The following PKIG variants were observed in gnomAD, a reference collection of about 807,000 sequenced individuals.
PKIG encodes protein kinase (cAMP-dependent, catalytic) inhibitor gamma.
In PKIG, 1 loss-of-function variant was observed where a neutral mutation model predicts 6.8. That is an observed-to-expected ratio of 0.15 (90% CI 0.05 to 0.69). PKIG has a LOEUF of 0.69. PKIG is among the 30% of genes least tolerant of loss of function. The pLI, the probability that PKIG is intolerant of heterozygous loss-of-function variation, is 0.82. For missense variants in PKIG, 77 were observed against 104.0 expected (o/e 0.74, Z 1.13); for synonymous variants, 39 against 43.0 (o/e 0.91, Z 0.36).
intron 1 of PKIG, among the ~76,000 whole-genome samples, chr20:44,566,430 T>C (rs1225216275): frequency 6.6e-6 from 1 of 152,282 alleles, no homozygotes; most frequent in Non-Finnish European, 1.5e-5. Flanking sequence ...TTCAAACTTT[T>C]TGACTTTGAA....
intron 1 of PKIG, among the ~76,000 whole-genome samples, chr20:44,538,130 C>T (rs2064529504): frequency 6.6e-6 from 1 of 152,184 alleles, no homozygotes; most frequent in African/African-American, 2.4e-5. Flanking sequence ...ATGGATTCAG[C>T]CCGTCACTTA....
intron 2 of PKIG, among the ~76,000 whole-genome samples, chr20:44,607,942 C>T (rs1292163412): frequency 2.0e-5 from 3 of 152,116 alleles, no homozygotes; most frequent in African/African-American, 4.8e-5. Context: ...CACCCCCCGC[C>T]GCCTCGGCCT....
intron 1 of PKIG, among the ~76,000 whole-genome samples, chr20:44,583,899 C>T: frequency 6.6e-6 from 1 of 152,108 alleles, no homozygotes; most frequent in Non-Finnish European, 1.5e-5. Context: ...AGACATAAAA[C>T]AGGCAACATT....
intron 2 of PKIG, among the ~76,000 whole-genome samples, chr20:44,593,220 C>T (rs1255958730): frequency 6.6e-6 from 1 of 151,836 alleles, no homozygotes; most frequent in Non-Finnish European, 1.5e-5. Flanking sequence ...GTCCCAGCTA[C>T]TCAGGAGGCC....
At chr20:44,535,692 A>G (rs565245206) in intron 1 of PKIG, among the ~76,000 whole-genome samples, 1 of 152,338 alleles carries the variant, frequency 6.6e-6, no homozygotes, top group South Asian at 2.1e-4. Context: ...AGATGTTTAC[A>G]TTATGTGGTT....
chr20:44,533,625 C>T (rs1269792140), intron 1 of PKIG, among the ~76,000 whole-genome samples: 2 of 151,974 alleles, frequency 1.3e-5, no homozygotes, highest in African/African-American at 4.8e-5. Flanking sequence ...CAAAAGCAGT[C>T]CACTACAACT....
At chr20:44,594,069 A>T (rs1027646945) in intron 2 of PKIG, among the ~76,000 whole-genome samples, 38 of 152,310 alleles carry the variant, frequency 2.5e-4, no homozygotes, top group African/African-American at 9.1e-4. Flanking sequence ...GAGGAAACTG[A>T]GGCTTTTGGA....
intron 1 of PKIG, among the ~76,000 whole-genome samples, chr20:44,586,947 TA>T (rs1303496081): frequency 6.6e-6 from 1 of 152,230 alleles, no homozygotes; most frequent in Non-Finnish European, 1.5e-5. Context: ...TTACAGGCTT[TA>T]GCTTGACTCT....
chr20:44,533,019 G>C (rs2064481020), intron 1 of PKIG, among the ~76,000 whole-genome samples: 1 of 152,138 alleles, frequency 6.6e-6, no homozygotes, highest in Non-Finnish European at 1.5e-5. Flanking sequence ...GGGGGCAGTG[G>C]GAAGCCATCA....
At chr20:44,548,914 C>T (rs1447741688) in intron 1 of PKIG, among the ~76,000 whole-genome samples, 2 of 148,496 alleles carry the variant, frequency 1.3e-5, no homozygotes, top group African/African-American at 5.0e-5. Flanking sequence ...ATATATCTGT[C>T]TGAGATAATA....
chr20:44,615,725 C>T (rs2065258767), intron 3 of PKIG, among the ~76,000 whole-genome samples: 1 of 152,228 alleles, frequency 6.6e-6, no homozygotes, highest in Non-Finnish European at 1.5e-5. Context: ...CCTGCCCCTC[C>T]CTGGGTAGCC....
At chr20:44,580,592 C>T (rs748343493), upstream of PKIG, among the ~76,000 whole-genome samples, 33 of 152,066 alleles carry the variant, frequency 2.2e-4, no homozygotes, top group Admixed American at 6.6e-5. Context: ...AGGCAATCCA[C>T]CCACCTCGGC....
In PKIG at chr20:44,559,979, G is replaced by A. The variant is rs761212552; in HGVS notation, c.-240-22606G>A. Among the ~76,000 whole-genome samples the A allele has an allele frequency of 7.6e-4, 115 of 151,108 alleles. 1 individual carries two copies. The highest frequency in any genetic ancestry group is 6.8e-3 in the Middle Eastern group (2 of 292). On this transcript the variant is annotated intron_variant, in intron 1 of 4. Coordinates refer to the PKIG transcript ENST00000372887. The stretch of plus-strand genomic sequence containing the variant: ...CAAAACTGAGAGGCTGAGGTGGGCG[G>A]ATCACTTGAGCTCATGAGTTCCAGA...
At chr20:44,570,219 G>C (rs74827670) in intron 1 of PKIG, among the ~76,000 whole-genome samples, 2,860 of 152,302 alleles carry the variant, frequency 0.019, 94 homozygotes, top group African/African-American at 0.066. Context: ...CATAGTGTCT[G>C]AGATGGGGGC....
intron 2 of PKIG, among the ~76,000 whole-genome samples, chr20:44,596,413 C>T (rs1007619327): frequency 2.3e-4 from 35 of 152,322 alleles, no homozygotes; most frequent in Middle Eastern, 3.4e-3. Context: ...CTGGCATTCC[C>T]ATGAAGACTG....
At chr20:44,546,713 C>T (rs939547633) in intron 1 of PKIG, among the ~76,000 whole-genome samples, 17 of 151,952 alleles carry the variant, frequency 1.1e-4, no homozygotes, top group African/African-American at 2.9e-4. Flanking sequence ...CCACCACTCC[C>T]GGCTAATTTT....
intron 1 of PKIG, among the ~76,000 whole-genome samples, chr20:44,539,522 G>A (rs1194737687): frequency 2.6e-5 from 4 of 151,530 alleles, no homozygotes; most frequent in Non-Finnish European, 4.4e-5. Flanking sequence ...ATGTTCAAGC[G>A]ATTCTTCTGC....
At chr20:44,583,653 C>G (rs992966028) in intron 1 of PKIG, among the ~76,000 whole-genome samples, 2 of 152,166 alleles carry the variant, frequency 1.3e-5, no homozygotes, top group Non-Finnish European at 2.9e-5. Flanking sequence ...AAGGGTCACC[C>G]AAGGAAACTG....
intron 2 of PKIG, among the ~76,000 whole-genome samples, chr20:44,610,359 T>C (rs2065203338): frequency 6.6e-6 from 1 of 152,192 alleles, no homozygotes; most frequent in African/African-American, 2.4e-5. Context: ...TGTCTGATCT[T>C]TGAGGGCCCC....
Sources: gnomAD v4.1 joint callset for allele counts (sites outside exome capture counted in the v4.1 genomes callset) on GRCh38, gnomAD v4.1.1 for gene constraint, MANE v1.5 for transcripts, NCBI Gene and HGNC (gene_info 2026-07-23, HGNC 2026-07-21) for gene names.